Variants in PHKA1 observed in about 807,000 individuals in gnomAD.
PHKA1 encodes the protein phosphorylase b kinase regulatory subunit alpha, skeletal muscle isoform.
A neutral mutation model predicts 110.2 loss-of-function variants in PHKA1; 60 were observed. That is an observed-to-expected ratio of 0.54 (90% CI 0.44 to 0.68). The LOEUF is 0.68. PHKA1 is among the 30% of genes least tolerant of loss of function. The pLI, the probability that PHKA1 is intolerant of heterozygous loss-of-function variation, is 0.00. For missense variants in PHKA1, 801 were observed against 942.5 expected (o/e 0.85, Z 1.97); for synonymous variants, 316 against 333.6 (o/e 0.95, Z 0.58).
At chrX:72,641,572 CTTACTT>C (rs2147742537) in intron 14 of PHKA1, among the ~76,000 whole-genome samples, 1 of 111,018 alleles carries the variant, frequency 9.0e-6, no homozygotes, top group East Asian at 2.8e-4. Flanking sequence ...ATTTTAAGTT[CTTACTT>C]TCACAAAGTT....
Position 72,618,853 on chromosome X carries a change from T to C in PHKA1, c.2230-4A>G. 8.3e-7 allele frequency: 1 copy of C among 1,200,140 alleles called. No homozygotes were observed. The highest frequency in any genetic ancestry group is 1.7e-5 in the African/African-American group (1 of 57,641). ...TTTCTACACGAACAGAGGGAACCTT[T>C]AGTTTGAGAAATGATGACAAGAAAT... On this transcript the variant is annotated splice_polypyrimidine_tract_variant and splice_region_variant and intron_variant, in intron 20 of 31. Transcript: ENST00000373542.
At chrX:72,641,436 C>T (rs1021239589) in intron 14 of PHKA1, among the ~76,000 whole-genome samples, 1 of 111,110 alleles carries the variant, frequency 9.0e-6, no homozygotes, top group Non-Finnish European at 1.9e-5. Context: ...AAATGCATCA[C>T]GAGAGAATAA....
intron 29 of PHKA1, among the ~76,000 whole-genome samples, chrX:72,590,377 G>T (rs2147654887): frequency 8.9e-6 from 1 of 112,068 alleles, no homozygotes; most frequent in African/African-American, 3.2e-5. Flanking sequence ...GCCATATGTA[G>T]AAAGCTGAAA....
chrX:72,680,651 G>A (rs782322256), intron 5 of PHKA1, among the ~76,000 whole-genome samples: 6 of 108,607 alleles, frequency 5.5e-5, no homozygotes, highest in Non-Finnish European at 9.5e-5. Flanking sequence ...GCTGCGCTGC[G>A]GCCCGGGGCA....
Position 72,684,578 on chromosome X carries a change from G to C in PHKA1, c.457C>G (p.Leu153Val). 1 of 1,137,661 alleles carries C rather than the reference G, an allele frequency of 8.8e-7. No homozygotes were observed. Among genetic ancestry groups the C allele is most frequent in the Non-Finnish European group, 1.2e-6 (1 of 828,766 alleles). The allele number at this position is 1,137,661 out of a possible 1,213,427, so 93.8% of individuals were successfully genotyped here. The change falls in exon 5 of 32, where the codon CTC becomes GTC. Residue 153 changes from leucine to valine, a missense_variant and splice_region_variant. By Grantham distance (32) the Leu-to-Val change is conservative (BLOSUM62 1). Transcript: ENST00000373542. ...LFLAQMTASG[L>V]HIIHSLDEVN... is the part of the protein sequence containing the mutation. ...TCATCTAGGCTGTGGATGATATGGA[G>C]TCCTGAGGAAAGAGGGAATAAAGAT...
At chrX:72,628,019 C>A (rs2053108779) in intron 16 of PHKA1, among the ~76,000 whole-genome samples, 1 of 108,580 alleles carries the variant, frequency 9.2e-6, no homozygotes, top group South Asian at 4.1e-4. Flanking sequence ...TTAGTAGAGA[C>A]GGGGTTTCAC....
chrX:72,613,632 C>T (rs1428618214), intron 21 of PHKA1, among the ~76,000 whole-genome samples: 2 of 111,270 alleles, frequency 1.8e-5, no homozygotes, highest in African/African-American at 3.3e-5. Flanking sequence ...GAAGAGTAAC[C>T]GTATATTTAC....
chrX:72,668,969 C>T (rs1603267126), intron 6 of PHKA1, among the ~76,000 whole-genome samples: 1 of 112,645 alleles, frequency 8.9e-6, no homozygotes, highest in East Asian at 2.8e-4. Flanking sequence ...AAAGCAGTAA[C>T]AGGCTTAAAG....
chrX:72,680,861 G>A (rs1343843893), intron 5 of PHKA1, among the ~76,000 whole-genome samples: 1 of 73,089 alleles, frequency 1.4e-5, no homozygotes, highest in Non-Finnish European at 2.5e-5. Context: ...AGGAGCGGAC[G>A]GGCCCCGCGG....
At chrX:72,588,258 A>G (rs1362978771) in intron 29 of PHKA1, among the ~76,000 whole-genome samples, 4 of 112,320 alleles carry the variant, frequency 3.6e-5, no homozygotes. Flanking sequence ...TCAAATTAGA[A>G]CTCAGGATTA....
chrX:72,660,537 A>G, intron 8 of PHKA1: 1 of 394,555 alleles, frequency 2.5e-6, no homozygotes, highest in Non-Finnish European at 4.1e-6. Flanking sequence ...GGACCATAAC[A>G]GCCCAATGTT....
At chrX:72,632,631 T>G (rs2053179967) in intron 16 of PHKA1, among the ~76,000 whole-genome samples, 1 of 111,759 alleles carries the variant, frequency 8.9e-6, no homozygotes, top group Non-Finnish European at 1.9e-5. Context: ...TACAGGAATC[T>G]TTGTCTGTAA....
At position 72,671,191 on chromosome X, in the gene PHKA1, T is replaced by C. The variant is rs367862472; in HGVS notation, c.619-3718A>G. ...TGATTGTATATCTAGAAAACCCCAT[T>C]GTCTCAGCCCAAAATCTCCTCAAGC... On this transcript the variant is annotated intron_variant, in intron 6 of 31. Coordinates refer to ENST00000373542, the MANE Select transcript of PHKA1 (RefSeq NM_002637.4). Among the ~76,000 whole-genome samples, 128 of 111,365 alleles carry C rather than the reference T, an allele frequency of 1.1e-3. 1 individual carries two copies. In the Middle Eastern group the frequency reaches 0.018, roughly 16 times the overall value.
intron 14 of PHKA1, among the ~76,000 whole-genome samples, chrX:72,639,079 G>A (rs1346032388): frequency 8.9e-6 from 1 of 112,327 alleles, no homozygotes; most frequent in East Asian, 2.8e-4. Flanking sequence ...ACAGCTGGAA[G>A]CTGAAAGTCT....
chrX:72,642,765 A>G (rs2053312727), intron 14 of PHKA1, among the ~76,000 whole-genome samples: 1 of 111,681 alleles, frequency 9.0e-6, no homozygotes, highest in Non-Finnish European at 1.9e-5. Flanking sequence ...TATAATATTC[A>G]AGCTAATTTG....
chrX:72,700,500 T>C (rs2054192050), intron 3 of PHKA1, among the ~76,000 whole-genome samples: 1 of 112,072 alleles, frequency 8.9e-6, no homozygotes, highest in Admixed American at 9.5e-5. Flanking sequence ...ATAAATATGT[T>C]ATTGGTATGT....
At chrX:72,685,187 T>C (rs187858074) in intron 4 of PHKA1, among the ~76,000 whole-genome samples, 378 of 111,592 alleles carry the variant, frequency 3.4e-3, no homozygotes, top group African/African-American at 0.012. Flanking sequence ...TAACAAATAG[T>C]GGAACCGGGA....
At chrX:72,695,680 C>T (rs2054098664) in intron 4 of PHKA1, 28 bp downstream of exon 4, 1 of 1,202,871 alleles carries the variant, frequency 8.3e-7, no homozygotes. Context: ...TGCTCAGGGG[C>T]TCCCAGCACT....
At position 72,623,192 on chromosome X, in the gene PHKA1, T is replaced by C. The variant is rs1471250387; in HGVS notation, c.1877A>G (p.Lys626Arg). 1.1e-5 allele frequency: 13 copies of C among 1,206,915 alleles called. No individual in the cohort carries two copies. The highest frequency in any genetic ancestry group is 1.5e-5 in the Non-Finnish European group (13 of 892,968). The change falls in exon 18 of 32, where the codon AAG becomes AGG. Residue 626 changes from lysine (K) to arginine (R), a missense_variant. By Grantham distance (26) the Lys-to-Arg change is conservative. This residue lies in a region of PHKA1 where 502 missense variants were observed against 519.2 expected (regional missense o/e 0.97). Coordinates refer to ENST00000373542, the MANE Select transcript of PHKA1 (RefSeq NM_002637.4). ...GTCATCATAATCTTCACTGTACAGC[T>C]TACCCTCAGGTCCAGGGTCCATGAA... ...LSFMDPGPEGKLYSEDYDDNY... is the reference protein window; with the variant it reads ...LSFMDPGPEGRLYSEDYDDNY...
Sources: allele counts gnomAD v4.1 joint callset (sites outside exome capture counted in the v4.1 genomes callset), GRCh38; gene constraint gnomAD v4.1.1; regional missense constraint gnomAD v4.1.1; transcripts MANE v1.5; gene names NCBI Gene and HGNC (gene_info 2026-07-23, HGNC 2026-07-21).